The following IMMP2L variants were observed in gnomAD, a reference collection of about 807,000 sequenced individuals.
The protein encoded by IMMP2L is inner mitochondrial membrane peptidase subunit 2.
In IMMP2L, 18 loss-of-function variants were observed where a neutral mutation model predicts 19.3. That is an observed-to-expected ratio of 0.93 (90% CI 0.64 to 1.38). The LOEUF is 1.38. IMMP2L is among the 40% of genes most tolerant of loss of function. The probability of loss-of-function intolerance (pLI) is 0.00; values close to 1 mark genes in which losing one functional copy is unlikely to be tolerated. For missense variants in IMMP2L, 233 were observed against 218.2 expected (o/e 1.07, Z -0.43); for synonymous variants, 76 against 73.0 (o/e 1.04, Z -0.21).
At chr7:110,674,864 T>G (rs1792180464) in intron 5 of IMMP2L, among the ~76,000 whole-genome samples, 1 of 152,136 alleles carries the variant, frequency 6.6e-6, no homozygotes, top group South Asian at 2.1e-4. Context: ...TGCCTGCTTC[T>G]GATTACTGTT....
chr7:111,272,168 T>G (rs1818537181), intron 3 of IMMP2L, among the ~76,000 whole-genome samples: 1 of 152,170 alleles, frequency 6.6e-6, no homozygotes. Context: ...TCCCATAACC[T>G]CCAAGATAAA....
chr7:111,201,240 C>T (rs1390556802), intron 3 of IMMP2L, among the ~76,000 whole-genome samples: 7 of 150,192 alleles, frequency 4.7e-5, no homozygotes, highest in Middle Eastern at 3.4e-3. Context: ...TAATGAAAAT[C>T]GATGTGTTAT....
chr7:110,800,832 G>C (rs1801187977), intron 5 of IMMP2L, among the ~76,000 whole-genome samples: 1 of 151,912 alleles, frequency 6.6e-6, no homozygotes, highest in South Asian at 2.1e-4. Flanking sequence ...TTCTTTACAG[G>C]GTACATTTGG....
At chr7:111,106,683 T>C (rs1024468107) in intron 3 of IMMP2L, among the ~76,000 whole-genome samples, 2 of 147,236 alleles carry the variant, frequency 1.4e-5, no homozygotes, top group Non-Finnish European at 3.0e-5. Flanking sequence ...AGTCTCGGTG[T>C]GTGAAAATAC....
intron 3 of IMMP2L, among the ~76,000 whole-genome samples, chr7:111,423,406 C>G (rs1835773684): frequency 2.6e-5 from 4 of 151,728 alleles, no homozygotes; most frequent in Non-Finnish European, 5.9e-5. Flanking sequence ...TGTTATTGGT[C>G]TATTTAGAGA....
chr7:111,231,457 A>T (rs1228825976), intron 3 of IMMP2L, among the ~76,000 whole-genome samples: 1 of 151,966 alleles, frequency 6.6e-6, no homozygotes, highest in Non-Finnish European at 1.5e-5. Context: ...AGAAAAAATA[A>T]TTCCTAATCA....
chr7:110,758,770 C>T lies in IMMP2L; in HGVS notation c.409-95049G>A, dbSNP rs1218948131. On this transcript the variant is annotated intron_variant, in intron 5 of 5. Coordinates refer to ENST00000405709, the MANE Select transcript of IMMP2L (RefSeq NM_032549.4). This position sits in a 1 kb window ranked among gnomAD's most constrained non-coding sequence, Gnocchi z 4.6. ...TCCAACCTTTGTGAGACTTAGTTTG[C>T]CTTTAATTATAAAACGTAGTAACTA... 6.6e-6 allele frequency among the ~76,000 whole-genome samples: 1 copy of T among 151,998 alleles called. No individual in the cohort carries two copies. The highest frequency in any genetic ancestry group is 2.4e-5 in the African/African-American group (1 of 41,402).
chr7:111,376,222 A>T (rs1830666923), intron 3 of IMMP2L, among the ~76,000 whole-genome samples: 1 of 151,946 alleles, frequency 6.6e-6, no homozygotes, highest in Non-Finnish European at 1.5e-5. Context: ...GTTTTTTGGT[A>T]AAAAAAATAA....
chr7:110,893,564 T>A (rs2129546369), intron 4 of IMMP2L, among the ~76,000 whole-genome samples: 1 of 152,322 alleles, frequency 6.6e-6, no homozygotes, highest in Admixed American at 6.5e-5. Flanking sequence ...ATTTTTGACT[T>A]TTTACACAAA....
At chr7:111,537,330 T>C (rs1004184641) in intron 1 of IMMP2L, among the ~76,000 whole-genome samples, 1 of 152,096 alleles carries the variant, frequency 6.6e-6, no homozygotes, top group Non-Finnish European at 1.5e-5. Flanking sequence ...AGAATGACTC[T>C]ATCATCCAAA....
rs901855867 is a variant in IMMP2L at position 111,504,054 on chromosome 7, T to C, written c.136-16713A>G. 1.9e-3 allele frequency among the ~76,000 whole-genome samples: 290 copies of C among 152,218 alleles called. 2 individuals are homozygous for C. The highest frequency in any genetic ancestry group is 6.6e-3 in the African/African-American group (276 of 41,530). ...TTGTCCCTGTTTGCAGATGACATGA[T>C]TGTATATCTAGAAAACCCTATTGTC... On this transcript the variant is annotated intron_variant, in intron 2 of 5. Coordinates refer to ENST00000405709, the MANE Select transcript of IMMP2L (RefSeq NM_032549.4).
At chr7:110,821,559 C>T (rs1409755918) in intron 5 of IMMP2L, among the ~76,000 whole-genome samples, 1 of 151,944 alleles carries the variant, frequency 6.6e-6, no homozygotes, top group African/African-American at 2.4e-5. Context: ...GAGGCTGAGA[C>T]CTAGACATTT....
intron 5 of IMMP2L, among the ~76,000 whole-genome samples, chr7:110,678,896 A>ATTT (rs1792505729): frequency 2.6e-5 from 4 of 152,208 alleles, no homozygotes; most frequent in Non-Finnish European, 5.9e-5. Context: ...GCAAAGCCCT[A>ATTT]TGGTTTGGAA....
At chr7:110,705,214 G>T (rs578226231) in intron 5 of IMMP2L, among the ~76,000 whole-genome samples, 2 of 152,050 alleles carry the variant, frequency 1.3e-5, no homozygotes, top group Non-Finnish European at 2.9e-5. Context: ...ATAATCAAGA[G>T]TTGGCTAAAA....
chr7:110,927,173 C>T (rs186653114), intron 4 of IMMP2L, among the ~76,000 whole-genome samples: 42 of 152,188 alleles, frequency 2.8e-4, no homozygotes, highest in African/African-American at 9.4e-4. Flanking sequence ...TTCCTTCCCC[C>T]TCTCTCTGTC....
chr7:111,316,731 A>T (rs1824123521), intron 3 of IMMP2L, among the ~76,000 whole-genome samples: 1 of 152,054 alleles, frequency 6.6e-6, no homozygotes, highest in Admixed American at 6.6e-5. Flanking sequence ...TCAGTAAAAA[A>T]ATTATCATAT....
chr7:111,004,801 G>A (rs993600798), intron 3 of IMMP2L, among the ~76,000 whole-genome samples: 16 of 151,886 alleles, frequency 1.1e-4, no homozygotes, highest in East Asian at 1.9e-4. Context: ...CTATGTGGAC[G>A]GTTTATTTAT....
At chr7:111,268,767 T>C (rs1818129667) in intron 3 of IMMP2L, among the ~76,000 whole-genome samples, 1 of 151,400 alleles carries the variant, frequency 6.6e-6, no homozygotes, top group South Asian at 2.1e-4. Context: ...CTAATTTTAA[T>C]TTTTCTATTT....
At chr7:111,073,061 G>A (rs1334400918) in intron 3 of IMMP2L, among the ~76,000 whole-genome samples, 1 of 152,096 alleles carries the variant, frequency 6.6e-6, no homozygotes, top group Non-Finnish European at 1.5e-5. Context: ...TAATAGCACT[G>A]TACTGATGTT....
Sources: allele counts gnomAD v4.1 joint callset (sites outside exome capture counted in the v4.1 genomes callset), GRCh38; gene constraint gnomAD v4.1.1; non-coding constraint Gnocchi (gnomAD v3.1); transcripts MANE v1.5; gene names NCBI Gene and HGNC (gene_info 2026-07-23, HGNC 2026-07-21).